Variants in RTN1 observed in about 807,000 individuals in gnomAD.
RTN1 encodes the protein reticulon 1, also known as reticulon-1.
A neutral mutation model predicts 65.5 loss-of-function variants in RTN1; 25 were observed. That is an observed-to-expected ratio of 0.38 (90% CI 0.28 to 0.53). RTN1 has a LOEUF of 0.53. Ranked by LOEUF, RTN1 falls within the 20% of genes least tolerant of loss-of-function variation. The pLI, the probability that RTN1 is intolerant of heterozygous loss-of-function variation, is 0.79. For missense variants in RTN1, 983 were observed against 1,025.4 expected, an observed-to-expected ratio of 0.96 and a Z score of 0.57; for synonymous variants, 471 against 447.6, an observed-to-expected ratio of 1.05 and a Z score of -0.66.
intron 1 of RTN1, among the ~76,000 whole-genome samples, chr14:59,807,026 A>G (rs1007877091): frequency 1.3e-5 from 2 of 152,240 alleles, no homozygotes; most frequent in African/African-American, 4.8e-5. Flanking sequence ...TGGGAAAACC[A>G]ATTTTGTAAC....
chr14:59,773,691 A>G (rs1566722349), intron 1 of RTN1, among the ~76,000 whole-genome samples: 1 of 152,144 alleles, frequency 6.6e-6, no homozygotes, highest in Non-Finnish European at 1.5e-5. Context: ...TGGGGGAAAG[A>G]GCATGATGTT....
chr14:59,688,792 T>A (rs1480116683), intron 3 of RTN1, among the ~76,000 whole-genome samples: 1 of 151,704 alleles, frequency 6.6e-6, no homozygotes, highest in Non-Finnish European at 1.5e-5. Flanking sequence ...AACAATAATA[T>A]TATAGGGAAA....
chr14:59,769,911 T>C (rs1885920758), intron 1 of RTN1, among the ~76,000 whole-genome samples: 1 of 152,140 alleles, frequency 6.6e-6, no homozygotes, highest in South Asian at 2.1e-4. Context: ...TGGTGTTTTA[T>C]GGATGGATAG....
intron 1 of RTN1, among the ~76,000 whole-genome samples, chr14:59,792,561 G>A (rs761970198): frequency 3.3e-5 from 5 of 152,110 alleles, no homozygotes; most frequent in Non-Finnish European, 7.4e-5. Flanking sequence ...GGATTTAAAG[G>A]AGGGCCAACA....
chr14:59,783,100 T>C lies in RTN1; in HGVS notation c.242-36619A>G, dbSNP rs1047662234. On this transcript the variant is annotated intron_variant, in intron 1 of 8. Coordinates refer to ENST00000267484, the MANE Select transcript of RTN1 (RefSeq NM_021136.3). ...TGAAGAAAGCAAGACAGAAAAAAGG[T>C]TAGGAAAGCTGTCCAAGAACACTCA... 9.2e-5 allele frequency among the ~76,000 whole-genome samples: 14 copies of C among 152,248 alleles called. 1 individual carries two copies. Among genetic ancestry groups the C allele is most frequent in the Admixed American group, 6.5e-4 (10 of 15,300 alleles).
intron 3 of RTN1, among the ~76,000 whole-genome samples, chr14:59,623,018 G>T (rs1348911440): frequency 6.6e-6 from 1 of 152,236 alleles, no homozygotes; most frequent in East Asian, 1.9e-4. Flanking sequence ...GCTTTCTATA[G>T]ATAGTAAAAG....
chr14:59,758,105 T>C (rs1885676036), intron 1 of RTN1, among the ~76,000 whole-genome samples: 1 of 152,174 alleles, frequency 6.6e-6, no homozygotes, highest in South Asian at 2.1e-4. Context: ...TTTTGCCTAG[T>C]TCAAAATGTC....
At chr14:59,781,900 T>G (rs1379273250) in intron 1 of RTN1, among the ~76,000 whole-genome samples, 45 of 152,334 alleles carry the variant, frequency 3.0e-4, no homozygotes, top group Non-Finnish European at 5.9e-5. Context: ...TTCATGAAGA[T>G]ATGATCCTGT....
At chr14:59,810,991 G>A (rs1886718466) in intron 1 of RTN1, among the ~76,000 whole-genome samples, 1 of 152,174 alleles carries the variant, frequency 6.6e-6, no homozygotes, top group Non-Finnish European at 1.5e-5. Context: ...CTATTGTGGT[G>A]CAGGAAGAAA....
chr14:59,755,996 A>T (rs530441253), intron 1 of RTN1, among the ~76,000 whole-genome samples: 45 of 152,344 alleles, frequency 3.0e-4, no homozygotes, highest in African/African-American at 1.0e-3. Flanking sequence ...AAAATGATTC[A>T]GCAATTTGTT....
chr14:59,785,778 G>C lies in RTN1; in HGVS notation c.242-39297C>G, dbSNP rs549200018. ...CCCCAGAGGCTGAGTGAATGAGCTTGCCTCACTCCACACCCCTGCCCTTTC... is the reference window on the plus strand; with the variant it reads ...CCCCAGAGGCTGAGTGAATGAGCTTCCCTCACTCCACACCCCTGCCCTTTC... On this transcript the variant is annotated intron_variant, in intron 1 of 8. Coordinates refer to ENST00000267484, the MANE Select transcript of RTN1 (RefSeq NM_021136.3). Among the ~76,000 whole-genome samples the C allele has an allele frequency of 3.9e-5, 6 of 152,260 alleles. No homozygotes were observed. In the South Asian group the frequency reaches 1.2e-3, roughly 32 times the overall value.
intron 2 of RTN1, among the ~76,000 whole-genome samples, chr14:59,729,023 AGGGT>A (rs1884842000): frequency 6.6e-6 from 1 of 152,240 alleles, no homozygotes; most frequent in African/African-American, 2.4e-5. Context: ...GTTCTGGGTC[AGGGT>A]GGAGATGAGT....
At chr14:59,817,474 GT>G in intron 1 of RTN1, among the ~76,000 whole-genome samples, 1 of 152,272 alleles carries the variant, frequency 6.6e-6, no homozygotes, top group African/African-American at 2.4e-5. Flanking sequence ...GACAAAGGGG[GT>G]GTCCTGAAGA....
chr14:59,808,527 T>A (rs1259443956), intron 1 of RTN1, among the ~76,000 whole-genome samples: 1 of 152,190 alleles, frequency 6.6e-6, no homozygotes, highest in Non-Finnish European at 1.5e-5. Flanking sequence ...GATACCAAGA[T>A]GAACTCACTT....
At chr14:59,636,375 C>G (rs1328323568) in intron 3 of RTN1, among the ~76,000 whole-genome samples, 1 of 152,142 alleles carries the variant, frequency 6.6e-6, no homozygotes, top group African/African-American at 2.4e-5. Flanking sequence ...TTGCTCCACT[C>G]TCGCCATGTG....
intron 1 of RTN1, among the ~76,000 whole-genome samples, chr14:59,824,622 G>A (rs1027443186): frequency 6.6e-6 from 1 of 152,202 alleles, no homozygotes; most frequent in Non-Finnish European, 1.5e-5. Flanking sequence ...AGCAACACCT[G>A]AAGAAAAATG....
At chr14:59,715,104 CA>C (rs2030927543) in intron 3 of RTN1, among the ~76,000 whole-genome samples, 1 of 152,134 alleles carries the variant, frequency 6.6e-6, no homozygotes, top group Non-Finnish European at 1.5e-5. Context: ...TCCCTGGTAC[CA>C]AAAGGGTTGG....
intron 2 of RTN1, among the ~76,000 whole-genome samples, chr14:59,729,098 A>C (rs113800952): frequency 7.9e-4 from 121 of 152,274 alleles, no homozygotes; most frequent in African/African-American, 2.7e-3. Context: ...TATATTTAAC[A>C]CTTGAAGCAG....
chr14:59,862,996 G>A (rs1887736455), intron 1 of RTN1, among the ~76,000 whole-genome samples: 1 of 152,036 alleles, frequency 6.6e-6, no homozygotes, highest in Admixed American at 6.6e-5. Flanking sequence ...CTGCAGGTGT[G>A]CCCTCTCCTC....
Sources: allele counts gnomAD v4.1 joint callset (sites outside exome capture counted in the v4.1 genomes callset), GRCh38; gene constraint gnomAD v4.1.1; transcripts MANE v1.5; gene names NCBI Gene and HGNC (gene_info 2026-07-23, HGNC 2026-07-21).